CLCN3: variants seen among roughly 807,000 people sequenced by gnomAD.
CLCN3 encodes H(+)/Cl(-) exchange transporter 3.
Under a neutral mutation model 83.4 loss-of-function variants are expected in CLCN3, and 16 were observed. The ratio of observed to expected loss-of-function variants is 0.19; its 90% CI spans 0.13 to 0.29. The LOEUF is 0.29. Ranked by LOEUF, CLCN3 falls within the 10% of genes least tolerant of loss-of-function variation. The probability of loss-of-function intolerance (pLI) is 1.00; values close to 1 mark genes in which losing one functional copy is unlikely to be tolerated. For missense variants in CLCN3, 544 were observed against 1,006.0 expected, an observed-to-expected ratio of 0.54 and a Z score of 6.21; for synonymous variants, 322 against 346.2, an observed-to-expected ratio of 0.93 and a Z score of 0.78.
Position 169,720,297 on chromosome 4 carries a change from T to C in CLCN3, c.*300T>C, listed in dbSNP as rs1310967299. On this transcript the variant is annotated 3_prime_UTR_variant, in exon 13 of 13. Transcript: ENST00000513761. ...ATTCAGCTGAGGATGTGCCTGATAG[T>C]GCAGGCTTGCGCCTCAACAGAGATG... 2 of 425,056 alleles carry C rather than the reference T, an allele frequency of 4.7e-6. No individual in the cohort carries two copies. Among genetic ancestry groups the C allele is most frequent in the African/African-American group, 4.1e-5 (2 of 49,338 alleles). The allele number at this position is 425,056 out of a possible 1,614,324, so 26.3% of individuals were successfully genotyped here. A position where few individuals can be genotyped will look rare whatever the true frequency, so the allele number is the denominator to read the frequency against.
At chr4:169,645,922 A>G (rs1730558949) in intron 2 of CLCN3, among the ~76,000 whole-genome samples, 1 of 152,090 alleles carries the variant, frequency 6.6e-6, no homozygotes, top group South Asian at 2.1e-4. Flanking sequence ...CCCTCCTCCT[A>G]AATTGAGCAA....
chr4:169,683,607 C>T (rs1359846029), intron 3 of CLCN3, among the ~76,000 whole-genome samples: 1 of 152,144 alleles, frequency 6.6e-6, no homozygotes, highest in Non-Finnish European at 1.5e-5. Flanking sequence ...AGTATGTGTC[C>T]TAGCTAATTT....
chr4:169,636,130 T>G (rs750547415), intron 2 of CLCN3, 42 bp downstream of exon 2: 1 of 1,536,916 alleles, frequency 6.5e-7, no homozygotes. Context: ...TTCATGAATA[T>G]CCACTAATAA....
chr4:169,721,465 T>A lies in CLCN3; in HGVS notation c.*1468T>A, dbSNP rs1733636969. The stretch of plus-strand genomic sequence containing the variant: ...TAACTGGAAAGTTGAAAAACTACAT[T>A]AACTGGAAAGTTGAAAAACTACATT... On this transcript the variant is annotated 3_prime_UTR_variant, in exon 13 of 13. Transcript: ENST00000513761. The A allele has an allele frequency of 6.6e-6, 1 of 152,130 alleles. No homozygotes were observed. The allele number at this position is 152,130 out of a possible 1,614,324, so 9.4% of individuals were successfully genotyped here. A position where few individuals can be genotyped will look rare whatever the true frequency, so the allele number is the denominator to read the frequency against.
At chr4:169,651,603 A>C (rs561415416) in intron 2 of CLCN3, among the ~76,000 whole-genome samples, 10 of 152,302 alleles carry the variant, frequency 6.6e-5, no homozygotes, top group Admixed American at 1.3e-4. Flanking sequence ...GATACCTGAT[A>C]AAATGTAAAT....
At chr4:169,633,116 G>T (rs544509238) in intron 1 of CLCN3, among the ~76,000 whole-genome samples, 90 of 152,202 alleles carry the variant, frequency 5.9e-4, no homozygotes, top group African/African-American at 2.1e-3. Context: ...TGGCTCAAGC[G>T]ATTTTCATGC....
At chr4:169,677,648 G>A (rs2150235435) in intron 2 of CLCN3, among the ~76,000 whole-genome samples, 1 of 152,316 alleles carries the variant, frequency 6.6e-6, no homozygotes, top group African/African-American at 2.4e-5. Flanking sequence ...AACTTGCTAG[G>A]TTGAAGAGCA....
At chr4:169,644,084 G>A (rs1730501496) in intron 2 of CLCN3, among the ~76,000 whole-genome samples, 1 of 152,144 alleles carries the variant, frequency 6.6e-6, no homozygotes, top group Non-Finnish European at 1.5e-5. Flanking sequence ...ACAACAGTAT[G>A]AGCGAAAGTG....
chr4:169,713,054 G>A, intron 11 of CLCN3, 25 bp from the exon 12 acceptor site: 2 of 1,571,502 alleles, frequency 1.3e-6, no homozygotes, highest in African/African-American at 1.3e-5. Context: ...GTTTAAAAGT[G>A]TTGGTCTCTT....
chr4:169,703,956 T>A (rs1732892335), intron 9 of CLCN3, 42 bp from the exon 10 acceptor site: 2 of 1,571,324 alleles, frequency 1.3e-6, no homozygotes, highest in African/African-American at 2.7e-5. Context: ...GGCATGTGAG[T>A]AGAGGATCTC....
In CLCN3 at chr4:169,680,053, C is replaced by T. The variant is rs1731875106; in HGVS notation, c.164C>T (p.Thr55Ile). ...NLLDGDTAVG[T>I]HYTMTNGGSI... ...TCTTTCCTTTTCTCTTCTGTAGGAA[C>T]TCATTATACAATGACAAATGGAGGC... is the stretch of plus-strand genomic sequence containing the variant. Residue 55 changes from threonine (T) to isoleucine (I), a missense_variant, in exon 3 of 13, where the codon ACT (threonine) becomes ATT (isoleucine). Thr to Ile is a moderately conservative substitution (Grantham distance 89, BLOSUM62 -1). Around this residue, in one of 6 missense-constraint regions of CLCN3, gnomAD observed 77 missense variants for 92.8 expected, o/e 0.83. Coordinates refer to ENST00000513761, the MANE Select transcript of CLCN3 (RefSeq NM_001829.4). 6.2e-7 allele frequency: 1 copy of T among 1,610,024 alleles called. No individual in the cohort carries two copies. The highest frequency in any genetic ancestry group is 1.3e-5 in the African/African-American group (1 of 74,982).
intron 2 of CLCN3, among the ~76,000 whole-genome samples, chr4:169,638,178 A>G (rs960715538): frequency 6.6e-6 from 1 of 152,136 alleles, no homozygotes; most frequent in Non-Finnish European, 1.5e-5. Flanking sequence ...CTTTTTGTTC[A>G]GTAGGCTACC....
Position 169,704,180 on chromosome 4 carries a change from C to T in CLCN3, c.1746C>T (p.Cys582=), listed in dbSNP as rs1732901972. 18 of 1,610,676 alleles carry T rather than the reference C, an allele frequency of 1.1e-5. No individual in the cohort carries two copies. The highest frequency in any genetic ancestry group is 1.5e-5 in the Non-Finnish European group (18 of 1,178,100). ...GLYAMVGAAA[C]LGGVTRMTVS... ...ATGCCATGGTTGGTGCTGCTGCATG[C>T]TTAGGTAATATGGCTGTGTCTGCCT... Residue 582 remains cysteine, a synonymous_variant, in exon 10 of 13, where the codon TGC becomes TGT. Coordinates refer to ENST00000513761, the MANE Select transcript of CLCN3 (RefSeq NM_001829.4).
At chr4:169,673,542 T>A (rs1400509966) in intron 2 of CLCN3, among the ~76,000 whole-genome samples, 1 of 152,148 alleles carries the variant, frequency 6.6e-6, no homozygotes, top group Non-Finnish European at 1.5e-5. Flanking sequence ...TATGGATACA[T>A]GTTAAGTGGT....
intron 2 of CLCN3, among the ~76,000 whole-genome samples, chr4:169,674,086 G>C (rs1313092468): frequency 6.6e-6 from 1 of 152,156 alleles, no homozygotes; most frequent in African/African-American, 2.4e-5. Context: ...TTGTCCCACT[G>C]TGTCCTTTAG....
intron 2 of CLCN3, among the ~76,000 whole-genome samples, chr4:169,679,759 G>A (rs1043147835): frequency 2.8e-4 from 43 of 152,278 alleles, no homozygotes; most frequent in African/African-American, 1.0e-3. Context: ...GCGTGGCGGC[G>A]CGTGCCTGCA....
At position 169,691,983 on chromosome 4, in the gene CLCN3, CTG is replaced by C. The variant is rs1392738740; in HGVS notation, c.730-129_730-128del. 4.6e-5 allele frequency: 27 copies of C among 583,344 alleles called. 1 individual carries two copies. Among genetic ancestry groups the C allele is most frequent in the Middle Eastern group, 4.7e-4 (1 of 2,110 alleles). 36.1% of individuals were successfully genotyped at this position (583,344 alleles called of 1,614,324 possible). A position where few individuals can be genotyped will look rare whatever the true frequency, so the allele number is the denominator to read the frequency against. The stretch of plus-strand genomic sequence containing the variant: ...ATAGGCAAAGTTTTCGAAAAATTAA[CTG>C]TAAATTTTTCTGTAGACTGCTAAAA... On this transcript the variant is annotated intron_variant, in intron 6 of 12. Coordinates refer to ENST00000513761, the MANE Select transcript of CLCN3 (RefSeq NM_001829.4).
chr4:169,666,097 G>A (rs62333170), intron 2 of CLCN3, among the ~76,000 whole-genome samples: 25,743 of 151,362 alleles, frequency 0.17, 2,807 homozygotes, highest in South Asian at 0.3. Flanking sequence ...TTCTAGTTCA[G>A]TGTTTGTCAA....
rs768874623 is a variant in CLCN3, at chr4:169,689,200, A to G, written c.576A>G (p.Thr192=). ...EERDKCPQWK[T]WAELIIGQAE... ...GGGATAAATGTCCACAGTGGAAAAC[A>G]TGGGCAGAATTAATCATAGGTCAAG... is the stretch of plus-strand genomic sequence containing the variant. Residue 192 remains threonine (T), a synonymous_variant, in exon 5 of 13, where the codon ACA becomes ACG. Transcript: ENST00000513761. 5 of 1,613,756 alleles carry G rather than the reference A, an allele frequency of 3.1e-6. No homozygotes were observed. The highest frequency in any genetic ancestry group is 2.2e-5 in the South Asian group (2 of 90,966).
Sources: gnomAD v4.1 joint callset for allele counts (sites outside exome capture counted in the v4.1 genomes callset) on GRCh38, gnomAD v4.1.1 for gene constraint, gnomAD v4.1.1 regional missense constraint, MANE v1.5 for transcripts, NCBI Gene and HGNC (gene_info 2026-07-23, HGNC 2026-07-21) for gene names.